The following PHYHIPL variants were observed in gnomAD, a reference collection of about 807,000 sequenced individuals.
PHYHIPL encodes phytanoyl-CoA 2-hydroxylase interacting protein like, also known as phytanoyl-CoA hydroxylase-interacting protein-like.
A neutral mutation model predicts 33.4 loss-of-function variants in PHYHIPL; 9 were observed. The observed-to-expected ratio is 0.27, with a 90% confidence interval of 0.16 to 0.47. PHYHIPL has a LOEUF of 0.47. Among genes scored for constraint, PHYHIPL ranks in the 20% least tolerant of loss-of-function variants. The probability of loss-of-function intolerance (pLI) is 0.99; values close to 1 mark genes in which losing one functional copy is unlikely to be tolerated. For synonymous variants in PHYHIPL, 153 were observed against 154.1 expected (o/e 0.99, Z 0.05); for missense variants, 365 against 460.7 (o/e 0.79, Z 1.90).
chr10:59,245,010 G>A, intron 4 of PHYHIPL, 47 bp from the exon 5 acceptor site: 1 of 1,541,676 alleles, frequency 6.5e-7, no homozygotes, highest in African/African-American at 1.4e-5. Context: ...AAATCAGTGG[G>A]TTTACCACTA....
chr10:59,185,192 G>A lies in PHYHIPL; in HGVS notation c.106+8233G>A, dbSNP rs759720113. On this transcript the variant is annotated intron_variant, in intron 1 of 4. Coordinates refer to ENST00000373880, the MANE Select transcript of PHYHIPL (RefSeq NM_032439.4). ...TTTTTAGTAGAGACGGGGTTTCACC[G>A]TTTTAGCCGGGATGGTCTCGATCTC... 1.6e-3 allele frequency among the ~76,000 whole-genome samples: 242 copies of A among 147,300 alleles called. 2 individuals are homozygous for A. The highest frequency in any genetic ancestry group is 2.8e-3 in the Non-Finnish European group (189 of 67,254).
At chr10:59,204,328 A>ATAAT (rs10695522) in intron 1 of PHYHIPL, among the ~76,000 whole-genome samples, 37,717 of 151,940 alleles carry the variant, frequency 0.25, 6,671 homozygotes, top group African/African-American at 0.5. Flanking sequence ...GGTAGATGGT[A>ATAAT]TTGAGGTGAC....
chr10:59,214,096 T>G (rs926730731), intron 1 of PHYHIPL, among the ~76,000 whole-genome samples: 2 of 152,128 alleles, frequency 1.3e-5, no homozygotes, highest in African/African-American at 4.8e-5. Flanking sequence ...GAAAAAAAAT[T>G]TAATTGAAAT....
At chr10:59,178,439 A>G (rs1404047961) in intron 1 of PHYHIPL, among the ~76,000 whole-genome samples, 1 of 152,132 alleles carries the variant, frequency 6.6e-6, no homozygotes, top group East Asian at 1.9e-4. Flanking sequence ...ATTATTTTTA[A>G]TAACGCATAG....
intron 1 of PHYHIPL, among the ~76,000 whole-genome samples, chr10:59,181,870 T>A (rs1838420457): frequency 1.3e-5 from 2 of 152,184 alleles, no homozygotes; most frequent in African/African-American, 4.8e-5. Flanking sequence ...CTCCCTCCAG[T>A]GGTAGAATGA....
rs1463351373 is a variant in PHYHIPL at position 59,246,824 on chromosome 10, A to C, written c.*1233A>C. ...TATAGTAAACCAAAAGATTAGCAAT[A>C]ATACTATGGACACATTAGATTATAT... On this transcript the variant is annotated 3_prime_UTR_variant, in exon 5 of 5. Coordinates refer to ENST00000373880, the MANE Select transcript of PHYHIPL (RefSeq NM_032439.4). 5.2e-6 allele frequency: 2 copies of C among 387,432 alleles called. No individual in the cohort carries two copies. Among genetic ancestry groups the C allele is most frequent in the Admixed American group, 8.9e-5 (2 of 22,510 alleles). The allele number at this position is 387,432 out of a possible 1,614,324, so 24.0% of individuals were successfully genotyped here. A position where few individuals can be genotyped will look rare whatever the true frequency, so the allele number is the denominator to read the frequency against.
intron 1 of PHYHIPL, among the ~76,000 whole-genome samples, chr10:59,206,356 G>A (rs1220118560): frequency 6.6e-6 from 1 of 152,138 alleles, no homozygotes; most frequent in African/African-American, 2.4e-5. Flanking sequence ...CCATTTGTAG[G>A]CTGTGAGGTC....
intron 1 of PHYHIPL, among the ~76,000 whole-genome samples, chr10:59,227,214 G>T (rs1839949639): frequency 6.6e-6 from 1 of 152,172 alleles, no homozygotes; most frequent in African/African-American, 2.4e-5. Context: ...AGTTCAGGAA[G>T]CTGAGAAGTC....
At chr10:59,213,816 C>A (rs1321243574) in intron 1 of PHYHIPL, among the ~76,000 whole-genome samples, 2 of 152,156 alleles carry the variant, frequency 1.3e-5, no homozygotes, top group Non-Finnish European at 2.9e-5. Context: ...GTGACTCAAT[C>A]AGTGTTAAAG....
At chr10:59,196,802 G>A (rs556232563) in intron 1 of PHYHIPL, among the ~76,000 whole-genome samples, 8 of 152,180 alleles carry the variant, frequency 5.3e-5, no homozygotes, top group South Asian at 4.2e-4. Flanking sequence ...ATTTTTGTAC[G>A]TCTTGCTTTA....
At chr10:59,177,501 G>GA in intron 1 of PHYHIPL, 2 of 1,550,878 alleles carry the variant, frequency 1.3e-6, no homozygotes, top group Non-Finnish European at 8.7e-7. Context: ...TGAGGGCGCA[G>GA]AAAAACAGTG....
At position 59,221,346 on chromosome 10, in the gene PHYHIPL, T is replaced by C. The variant is rs565069588; in HGVS notation, c.107-12958T>C. ...CTGTATTTTATCATTGCCATTGCTG[T>C]TTTGGCTTTTATTAAGAGCAATGAC... is the stretch of plus-strand genomic sequence containing the variant. On this transcript the variant is annotated intron_variant, in intron 1 of 4. Transcript: ENST00000373880. 1.8e-3 allele frequency among the ~76,000 whole-genome samples: 279 copies of C among 152,190 alleles called. 1 individual carries two copies. The highest frequency in any genetic ancestry group is 2.1e-3 in the Non-Finnish European group (143 of 67,928).
intron 1 of PHYHIPL, among the ~76,000 whole-genome samples, chr10:59,200,880 A>T (rs1020955800): frequency 1.3e-5 from 2 of 152,096 alleles, no homozygotes; most frequent in Non-Finnish European, 2.9e-5. Flanking sequence ...GGTAGTTTGT[A>T]TTTCTGTGGG....
At chr10:59,238,235 T>G (rs1419323584) in intron 3 of PHYHIPL, among the ~76,000 whole-genome samples, 1 of 152,014 alleles carries the variant, frequency 6.6e-6, no homozygotes, top group Admixed American at 6.6e-5. Context: ...TATAAGCTTC[T>G]TTTATTCAGT....
chr10:59,246,385 C>A lies in PHYHIPL; in HGVS notation c.*794C>A, dbSNP rs1589310506. 2 of 304,640 alleles carry A rather than the reference C, an allele frequency of 6.6e-6. No homozygotes were observed. Among genetic ancestry groups the A allele is most frequent in the East Asian group, 1.0e-4 (2 of 19,594 alleles). The allele number at this position is 304,640 out of a possible 1,614,324, so 18.9% of individuals were successfully genotyped here. A position where few individuals can be genotyped will look rare whatever the true frequency, so the allele number is the denominator to read the frequency against. On this transcript the variant is annotated 3_prime_UTR_variant, in exon 5 of 5. Coordinates refer to ENST00000373880, the MANE Select transcript of PHYHIPL (RefSeq NM_032439.4). ...AAATATTAGGTAAATACAGAGAAAA[C>A]AATAAGCCTCTGAAATAAGTCTGTT... is the stretch of plus-strand genomic sequence containing the variant.
At chr10:59,190,947 A>G (rs1014404457) in intron 1 of PHYHIPL, among the ~76,000 whole-genome samples, 4 of 151,910 alleles carry the variant, frequency 2.6e-5, no homozygotes, top group Non-Finnish European at 4.4e-5. Context: ...AAATATCTAA[A>G]TATCTAATCC....
intron 1 of PHYHIPL, among the ~76,000 whole-genome samples, chr10:59,220,416 G>A (rs1839737125): frequency 6.6e-6 from 1 of 152,006 alleles, no homozygotes; most frequent in African/African-American, 2.4e-5. Flanking sequence ...AAACCTTGGT[G>A]TCTCATTTTG....
At chr10:59,212,543 A>G (rs1356511753) in intron 1 of PHYHIPL, among the ~76,000 whole-genome samples, 1 of 152,140 alleles carries the variant, frequency 6.6e-6, no homozygotes, top group Non-Finnish European at 1.5e-5. Flanking sequence ...AAATAAGGCA[A>G]ATGGTCAACC....
rs541568175 is a variant in PHYHIPL at position 59,234,236 on chromosome 10, A to G, written c.107-68A>G. The stretch of plus-strand genomic sequence containing the variant: ...TCTACTTTTTATTGGTAATAAATCC[A>G]TTAATTGGAAATAAATTGGAAAATC... On this transcript the variant is annotated intron_variant, in intron 1 of 4. Transcript: ENST00000373880. 938 of 1,252,890 alleles carry G rather than the reference A, an allele frequency of 7.5e-4. 1 individual carries two copies. The highest frequency in any genetic ancestry group is 9.5e-4 in the Non-Finnish European group (858 of 905,100). The allele number at this position is 1,252,890 out of a possible 1,614,324, so 77.6% of individuals were successfully genotyped here.
Sources: gnomAD v4.1 joint callset for allele counts (sites outside exome capture counted in the v4.1 genomes callset) on GRCh38, gnomAD v4.1.1 for gene constraint, MANE v1.5 for transcripts, NCBI Gene and HGNC (gene_info 2026-07-23, HGNC 2026-07-21) for gene names.